ATF6: variants seen among roughly 807,000 people sequenced by gnomAD.
ATF6 encodes the protein cyclic AMP-dependent transcription factor ATF-6 alpha.
Under a neutral mutation model 83.6 loss-of-function variants are expected in ATF6, and 53 were observed. The ratio of observed to expected loss-of-function variants is 0.63; its 90% CI spans 0.51 to 0.80. ATF6 has a LOEUF of 0.80. ATF6 is among the 30% of genes least tolerant of loss of function. ATF6 has a pLI of 0.00. For missense variants in ATF6, 744 were observed against 797.9 expected (o/e 0.93, Z 0.81); for synonymous variants, 288 against 285.8 (o/e 1.01, Z -0.08).
At chr1:161,799,521 A>G (rs1571141449) in intron 6 of ATF6, among the ~76,000 whole-genome samples, 1 of 152,318 alleles carries the variant, frequency 6.6e-6, no homozygotes, top group East Asian at 1.9e-4. Flanking sequence ...CTGTATGCCA[A>G]ACACCTGTGA....
rs117783826 is a variant in ATF6 at position 161,862,799 on chromosome 1, C to G, written c.1605-399C>G. Among the ~76,000 whole-genome samples, 6 of 152,302 alleles carry G rather than the reference C, an allele frequency of 3.9e-5. No homozygotes were observed. The East Asian group carries it at 1.2e-3, about 29-fold the overall frequency. On this transcript the variant is annotated intron_variant, in intron 13 of 15. Transcript: ENST00000367942. The stretch of plus-strand genomic sequence containing the variant: ...CTTTTTGCACAGCCTCGTAGGCAAG[C>G]ATACCTTCATATATTCGACAGGGTG...
chr1:161,898,090 G>A (rs780729462), intron 14 of ATF6, among the ~76,000 whole-genome samples: 2 of 152,080 alleles, frequency 1.3e-5, no homozygotes, highest in Admixed American at 6.6e-5. Flanking sequence ...TTCGTCATCT[G>A]GTTCATAATG....
In ATF6 at chr1:161,792,179, G is replaced by A. The variant is rs1407149242; in HGVS notation, c.540G>A (p.Gln180=). 6.2e-7 allele frequency: 1 copy of A among 1,613,922 alleles called. No individual in the cohort carries two copies. The highest frequency in any genetic ancestry group is 1.3e-5 in the African/African-American group (1 of 74,890). ...AGGTGAATTCAAAACCTTCAATTCA[G>A]CCCAAGCCTTTATTGCTTCCAGCAG... is the stretch of plus-strand genomic sequence containing the variant. The part of the protein sequence containing the change: ...KIQVNSKPSI[Q]PKPLLLPAAP... The change falls in exon 6 of 16, where the codon CAG becomes CAA. Residue 180 remains glutamine, a synonymous_variant. Transcript: ENST00000367942.
chr1:161,947,645 AAAG>A (rs1177778954), intron 15 of ATF6, among the ~76,000 whole-genome samples: 7 of 152,302 alleles, frequency 4.6e-5, no homozygotes, highest in East Asian at 1.9e-4. Flanking sequence ...TTTCTGAAAA[AAAG>A]AAGCATTTGT....
intron 15 of ATF6, among the ~76,000 whole-genome samples, chr1:161,927,807 ATAATT>A (rs1422260816): frequency 2.6e-5 from 4 of 152,246 alleles, no homozygotes; most frequent in Non-Finnish European, 5.9e-5. Context: ...TTATGAAATA[ATAATT>A]GGAATACTAT....
chr1:161,880,319 G>A (rs1687295038), intron 14 of ATF6, among the ~76,000 whole-genome samples: 1 of 149,798 alleles, frequency 6.7e-6, no homozygotes, highest in Admixed American at 6.9e-5. Flanking sequence ...CATTTTATGT[G>A]TGATATGTAT....
At chr1:161,791,070 GTGTGTGTGTGTGTCTC>G (rs57075061) in intron 4 of ATF6, among the ~76,000 whole-genome samples, 16,356 of 114,070 alleles carry the variant, frequency 0.14, 1,841 homozygotes, top group African/African-American at 0.44. Context: ...ATATGTGTGT[GTGTGTGTGTGTGTCTC>G]TGTGTGTGTG....
intron 1 of ATF6, among the ~76,000 whole-genome samples, chr1:161,768,623 A>G (rs1684320740): frequency 6.6e-6 from 1 of 151,988 alleles, no homozygotes; most frequent in South Asian, 2.1e-4. Context: ...GAGTGCGGTG[A>G]TGCAATCATA....
At position 161,882,766 on chromosome 1, in the gene ATF6, G is replaced by C. The variant is rs1687345780; in HGVS notation, c.1719+19454G>C. 1.3e-5 allele frequency among the ~76,000 whole-genome samples: 2 copies of C among 151,480 alleles called. 1 individual carries two copies. Among genetic ancestry groups the C allele is most frequent in the African/African-American group, 4.8e-5 (2 of 41,316 alleles). On this transcript the variant is annotated intron_variant, in intron 14 of 15. Transcript: ENST00000367942. ...GGGCTTTGGAGTCAGACAAATCTCG[G>C]TTTTAATTTTCAGTGTCCTTATCTC...
At chr1:161,905,996 C>T (rs1687871293) in intron 14 of ATF6, among the ~76,000 whole-genome samples, 1 of 152,054 alleles carries the variant, frequency 6.6e-6, no homozygotes, top group Non-Finnish European at 1.5e-5. Flanking sequence ...CCACGCCTGG[C>T]TAATTTTTTT....
chr1:161,900,927 A>AT (rs1421929702), intron 14 of ATF6, among the ~76,000 whole-genome samples: 1 of 152,164 alleles, frequency 6.6e-6, no homozygotes, highest in Non-Finnish European at 1.5e-5. Flanking sequence ...GTATATGAGA[A>AT]TACTTTTTTG....
At chr1:161,869,101 G>T (rs767072151) in intron 14 of ATF6, among the ~76,000 whole-genome samples, 1 of 151,952 alleles carries the variant, frequency 6.6e-6, no homozygotes, top group Non-Finnish European at 1.5e-5. Context: ...TTGACTAGTG[G>T]TGTTATTTGT....
chr1:161,839,689 A>G (rs1686308869), intron 9 of ATF6, among the ~76,000 whole-genome samples: 1 of 152,180 alleles, frequency 6.6e-6, no homozygotes, highest in African/African-American at 2.4e-5. Context: ...GTAGTTTTAA[A>G]TGGTGATCAC....
At position 161,787,691 on chromosome 1, in the gene ATF6, A is replaced by G. The variant is rs181435726; in HGVS notation, c.354+3595A>G. Among the ~76,000 whole-genome samples, 433 of 152,286 alleles carry G rather than the reference A, an allele frequency of 2.8e-3. 3 individuals carry two copies. The highest frequency in any genetic ancestry group is 9.5e-3 in the African/African-American group (396 of 41,554). ...TATGAATAAGTATTTATCATGAGATATTATTTTTAGTGTTTAGATCTCGGA... is the reference window on the plus strand; with the variant it reads ...TATGAATAAGTATTTATCATGAGATGTTATTTTTAGTGTTTAGATCTCGGA... On this transcript the variant is annotated intron_variant, in intron 4 of 15. Coordinates refer to ENST00000367942, the MANE Select transcript of ATF6 (RefSeq NM_007348.4).
intron 9 of ATF6, among the ~76,000 whole-genome samples, chr1:161,833,553 G>A (rs546197835): frequency 6.6e-6 from 1 of 152,270 alleles, no homozygotes; most frequent in Admixed American, 6.5e-5. Flanking sequence ...ATGCAGAGAA[G>A]TCCTTAAAGG....
At position 161,821,004 on chromosome 1, in the gene ATF6, C is replaced by T. The variant is rs1304798410; in HGVS notation, c.1096-66C>T. 3 of 1,112,844 alleles carry T rather than the reference C, an allele frequency of 2.7e-6. No homozygotes were observed. In the East Asian group the frequency reaches 7.9e-5, roughly 29 times the overall value. 68.9% of individuals were successfully genotyped at this position (1,112,844 alleles called of 1,614,324 possible). On this transcript the variant is annotated intron_variant, in intron 8 of 15. Transcript: ENST00000367942. ...AACCGGTAAAGAGGAAAATTCTAATCTTAAGCGTTGCTTTTTCTGAAATCG... is the reference window on the plus strand; with the variant it reads ...AACCGGTAAAGAGGAAAATTCTAATTTTAAGCGTTGCTTTTTCTGAAATCG...
At chr1:161,844,510 A>G (rs558129644) in intron 9 of ATF6, among the ~76,000 whole-genome samples, 25 of 152,274 alleles carry the variant, frequency 1.6e-4, no homozygotes, top group Admixed American at 1.4e-3. Context: ...TTAGGGTGGT[A>G]GAGATACTGG....
chr1:161,840,933 C>T (rs1378878928), intron 9 of ATF6, among the ~76,000 whole-genome samples: 1 of 152,002 alleles, frequency 6.6e-6, no homozygotes, highest in Non-Finnish European at 1.5e-5. Flanking sequence ...CTGATTTAAG[C>T]AATTATACAA....
chr1:161,818,513 A>G (rs575436885), intron 7 of ATF6, among the ~76,000 whole-genome samples: 2 of 152,286 alleles, frequency 1.3e-5, no homozygotes, highest in East Asian at 1.9e-4. Context: ...TCTTGAAACA[A>G]TTGAGAGCAT....
Sources: allele counts gnomAD v4.1 joint callset (sites outside exome capture counted in the v4.1 genomes callset), GRCh38; gene constraint gnomAD v4.1.1; transcripts MANE v1.5; gene names NCBI Gene and HGNC (gene_info 2026-07-23, HGNC 2026-07-21).